The following C2 variants were observed in gnomAD, a reference collection of about 807,000 sequenced individuals.
C2 encodes the protein C3/C5 convertase.
C2 carries 64 observed loss-of-function variants against 85.2 expected under a neutral mutation model. The observed-to-expected ratio is 0.75, with a 90% CI of 0.61 to 0.92. The LOEUF (loss-of-function observed/expected upper bound fraction) is 0.92. C2 is among the 40% of genes least tolerant of loss of function. The pLI is 0.00. For missense variants in C2, 820 were observed against 971.6 expected, an observed-to-expected ratio of 0.84 and a Z score of 2.07; for synonymous variants, 311 against 370.8, an observed-to-expected ratio of 0.84 and a Z score of 1.85.
At chr6:31,907,109 C>T (rs1232592208) in intron 1 of C2, among the ~76,000 whole-genome samples, 1 of 150,068 alleles carries the variant, frequency 6.7e-6, no homozygotes, top group Non-Finnish European at 1.5e-5. Context: ...CACTGCACTC[C>T]AGCCTGGGTG....
chr6:31,921,076 G>A lies in C2; in HGVS notation c.-100+1050G>A, dbSNP rs1195821475. Among the ~76,000 whole-genome samples, 2 of 152,204 alleles carry A rather than the reference G, an allele frequency of 1.3e-5. No homozygotes were observed. Among genetic ancestry groups the A allele is most frequent in the Non-Finnish European group, 2.9e-5 (2 of 68,038 alleles). On this transcript the variant is annotated intron_variant, in intron 1 of 3. Coordinates refer to the C2 transcript ENST00000413154. This position sits in a 1 kb window ranked among gnomAD's most constrained non-coding sequence, Gnocchi z 4.6. The stretch of plus-strand genomic sequence containing the variant: ...AAAGTTAGTAGGCAGTGCCTGCTAG[G>A]ATGGGGGATGGTGTGTGTACCGAGG...
rs566227504 is a variant in C2 at position 31,911,787 on chromosome 6, G to A, written c.73+10648G>A. Among the ~76,000 whole-genome samples the A allele has an allele frequency of 1.1e-4, 16 of 151,820 alleles. No homozygotes were observed. In the South Asian group the frequency reaches 1.2e-3, roughly 12 times the overall value. ...TGGGACTACAGGCACATGCCACCAC[G>A]CCTGGCTAATTTTTGTATTTTTAGT... On this transcript the variant is annotated intron_variant, in intron 1 of 3. Coordinates refer to the C2 transcript ENST00000452202.
chr6:31,930,444 G>C (rs1376995095), intron 3 of C2, among the ~76,000 whole-genome samples: 1 of 152,128 alleles, frequency 6.6e-6, no homozygotes, highest in Non-Finnish European at 1.5e-5. Context: ...TCAAACTCCT[G>C]AGCTCAAGTG....
At chr6:31,897,849 G>A (rs1297872079), upstream of C2, 7 of 1,047,198 alleles carry the variant, frequency 6.7e-6, no homozygotes, top group African/African-American at 1.2e-4. Flanking sequence ...CTGCAAGGGA[G>A]AATTCCTGTC....
rs775781518 is a variant in C2, at chr6:31,944,209, C to G, written c.1885C>G (p.Leu629Val). The G allele has an allele frequency of 1.9e-6, 3 of 1,610,778 alleles. No individual in the cohort carries two copies. In the African/African-American group the frequency reaches 4.0e-5, roughly 22 times the overall value. The change falls in exon 15 of 18, where the codon CTT becomes GTT. Residue 629 changes from leucine to valine, a missense_variant. Transcript: ENST00000299367. The surrounding 1 kb of genome is among the most constrained non-coding windows in gnomAD (Gnocchi z 5.1). ...GAATGGGAGCAAACTGAACATTAAC[C>G]TTAAGATGGGAGTGGAGGTGAGGGT... The part of the protein sequence containing the change: ...ALNGSKLNIN[L>V]KMGVEWTSCA...
intron 1 of C2, among the ~76,000 whole-genome samples, chr6:31,906,562 T>G (rs1767727075): frequency 1.3e-5 from 2 of 151,950 alleles, no homozygotes; most frequent in African/African-American, 4.8e-5. Context: ...CAGCACCTTG[T>G]GAATTCCAGA....
chr6:31,930,174 C>A (rs770673324), intron 3 of C2, among the ~76,000 whole-genome samples: 5 of 151,574 alleles, frequency 3.3e-5, no homozygotes, highest in Non-Finnish European at 5.9e-5. Context: ...ATCTGCCTCC[C>A]GGGTTCAAGT....
chr6:31,934,236 G>A lies in C2; in HGVS notation c.786G>A (p.Ser262=), dbSNP rs930308832. 3.7e-6 allele frequency: 6 copies of A among 1,614,008 alleles called. No individual in the cohort carries two copies. Among genetic ancestry groups the A allele is most frequent in the East Asian group, 2.2e-5 (1 of 44,898 alleles). ...HLNLYLLLDC[S]QSVSENDFLI... ...ACCTCTACCTGCTCCTGGACTGTTC[G>A]CAGAGTGTGTCGGAAAATGACTTTC... Residue 262 remains serine (S), a synonymous_variant, in exon 6 of 18, where the codon TCG becomes TCA. Transcript: ENST00000299367.
Position 31,928,077 on chromosome 6 carries a change from C to A in C2, c.169C>A (p.Pro57Thr), listed in dbSNP as rs1562583445. ...CTACTCCTGCCCCCAGGGCCTGTAC[C>A]CATCCCCAGCATCACGGCTGTGCAA... ...LTYSCPQGLY[P>T]SPASRLCKSS... Residue 57 changes from proline to threonine, a missense_variant, in exon 2 of 18, where the codon CCA (proline) becomes ACA (threonine). By Grantham distance (38) the Pro-to-Thr change is conservative. Coordinates refer to ENST00000299367, the MANE Select transcript of C2 (RefSeq NM_000063.6). The A allele has an allele frequency of 6.2e-7, 1 of 1,614,000 alleles. No homozygotes were observed. The highest frequency in any genetic ancestry group is 1.7e-5 in the Admixed American group (1 of 59,994).
At chr6:31,900,792 G>A, upstream of C2, 1 of 1,597,450 alleles carries the variant, frequency 6.3e-7, no homozygotes, top group Non-Finnish European at 8.5e-7. The surrounding 1 kb of genome is among the most constrained non-coding windows in gnomAD (Gnocchi z 9.7). Flanking sequence ...GGAGGGGGTA[G>A]AGGAGGTGGG....
upstream of C2, chr6:31,900,483 C>G (rs1224471966): frequency 1.2e-6 from 2 of 1,607,080 alleles, no homozygotes; most frequent in Non-Finnish European, 8.5e-7. The surrounding 1 kb of genome is among the most constrained non-coding windows in gnomAD (Gnocchi z 9.7). Context: ...AGGCCCTCCC[C>G]TTCTGCATCT....
intron 1 of C2, among the ~76,000 whole-genome samples, chr6:31,902,566 A>T (rs977941607): frequency 2.6e-5 from 4 of 152,164 alleles, no homozygotes; most frequent in African/African-American, 7.2e-5. Context: ...GCTATTACCC[A>T]CGCCTGCCTC....
intron 1 of C2, among the ~76,000 whole-genome samples, chr6:31,902,752 C>T (rs1767447102): frequency 6.6e-6 from 1 of 152,196 alleles, no homozygotes; most frequent in Admixed American, 6.5e-5. Flanking sequence ...TAAAATCACA[C>T]CCGCCCTCCC....
At chr6:31,918,434 T>C (rs1466501944), upstream of C2, among the ~76,000 whole-genome samples, 1 of 150,774 alleles carries the variant, frequency 6.6e-6, no homozygotes, top group Non-Finnish European at 1.5e-5. Flanking sequence ...CAAAAGTAAA[T>C]AAATGAATAA....
Position 31,928,754 on chromosome 6 carries a change from C to T in C2, c.279C>T (p.Val93=), listed in dbSNP as rs1288209255. 3 of 1,614,258 alleles carry T rather than the reference C, an allele frequency of 1.9e-6. No individual in the cohort carries two copies. The highest frequency in any genetic ancestry group is 2.5e-6 in the Non-Finnish European group (3 of 1,180,048). Residue 93 remains valine, a synonymous_variant, in exon 3 of 18, where the codon GTC becomes GTT. Coordinates refer to ENST00000299367, the MANE Select transcript of C2 (RefSeq NM_000063.6). The part of the protein sequence containing the change: ...VCKPVRCPAP[V]SFENGIYTPR... ...CAGCTGTGCGCTGTCCAGCCCCTGT[C>T]TCCTTTGAGAATGGCATTTATACCC...
chr6:31,937,282 A>G, intron 7 of C2, 37 bp from the exon 8 acceptor site: 2 of 1,610,702 alleles, frequency 1.2e-6, no homozygotes, highest in Non-Finnish European at 1.7e-6. Context: ...GTAGGTGGGA[A>G]GTTTCTAAGA....
At chr6:31,919,270 G>C (rs1252116264), upstream of C2, among the ~76,000 whole-genome samples, 1 of 151,636 alleles carries the variant, frequency 6.6e-6, no homozygotes, top group African/African-American at 2.4e-5. Flanking sequence ...TCAGCCTCCT[G>C]AGTAGGTGGG....
chr6:31,901,039 G>C, exon 1 of C2: 1 of 1,614,232 alleles, frequency 6.2e-7, no homozygotes, highest in Non-Finnish European at 8.5e-7. Context: ...AGGCGCCCGT[G>C]TAGCAGGAGA....
Position 31,943,013 on chromosome 6 carries a change from A to C in C2, c.1274A>C (p.Glu425Ala), listed in dbSNP as rs780861452. The change falls in exon 10 of 18, where the codon GAG becomes GCG. Residue 425 changes from glutamate (E) to alanine (A), a missense_variant. Physicochemically the swap from Glu to Ala is moderately radical, Grantham distance 107. Transcript: ENST00000299367. This position sits in a 1 kb window ranked among gnomAD's most constrained non-coding sequence, Gnocchi z 6.4. ...KLDVDWRELN[E>A]LGSKKDGERH... ...GATGTGGACTGGAGAGAACTGAATGAGCTAGGGTCCAAGAAGGATGGTGAG... is the reference window on the plus strand; with the variant it reads ...GATGTGGACTGGAGAGAACTGAATGCGCTAGGGTCCAAGAAGGATGGTGAG... 1 of 1,613,060 alleles carries C rather than the reference A, an allele frequency of 6.2e-7. No homozygotes were observed.
Sources: allele counts gnomAD v4.1 joint callset (sites outside exome capture counted in the v4.1 genomes callset), GRCh38; gene constraint gnomAD v4.1.1; non-coding constraint Gnocchi (gnomAD v3.1); transcripts MANE v1.5; gene names NCBI Gene and HGNC (gene_info 2026-07-23, HGNC 2026-07-21).